EYA2: variants seen among roughly 807,000 people sequenced by gnomAD.
EYA2 encodes protein phosphatase EYA2.
A neutral mutation model predicts 69.2 loss-of-function variants in EYA2; 31 were observed. The observed-to-expected ratio is 0.45, with a 90% CI of 0.34 to 0.60. EYA2 has a LOEUF of 0.60. Ranked by LOEUF, EYA2 falls within the 20% of genes least tolerant of loss-of-function variation. The pLI, the probability that EYA2 is intolerant of heterozygous loss-of-function variation, is 0.02. For missense variants in EYA2, 622 were observed against 701.2 expected (o/e 0.89, Z 1.28); for synonymous variants, 257 against 279.4 (o/e 0.92, Z 0.80).
intron 1 of EYA2, among the ~76,000 whole-genome samples, chr20:46,973,723 T>C (rs1980280832): frequency 6.6e-6 from 1 of 152,078 alleles, no homozygotes; most frequent in Non-Finnish European, 1.5e-5. Context: ...CTGTCTGCTT[T>C]TGTATATGTT....
chr20:46,997,038 T>C (rs1982069627), intron 2 of EYA2, among the ~76,000 whole-genome samples: 1 of 152,140 alleles, frequency 6.6e-6, no homozygotes, highest in Non-Finnish European at 1.5e-5. Flanking sequence ...ATGGGATTAA[T>C]AGCACCCTTT....
At chr20:47,042,170 C>T (rs1457980318) in intron 5 of EYA2, among the ~76,000 whole-genome samples, 1 of 152,034 alleles carries the variant, frequency 6.6e-6, no homozygotes, top group African/African-American at 2.4e-5. Flanking sequence ...CTTACAACTA[C>T]CATATAAAGT....
intron 9 of EYA2, among the ~76,000 whole-genome samples, chr20:47,138,974 A>T (rs1568802707): frequency 6.6e-6 from 1 of 151,880 alleles, no homozygotes; most frequent in Non-Finnish European, 1.5e-5. Flanking sequence ...ACATAATGCA[A>T]TCAGAAAACT....
rs542740032 is a variant in EYA2, at chr20:46,949,307, G to T, written c.-10-40694G>T. Among the ~76,000 whole-genome samples, 3 of 152,340 alleles carry T rather than the reference G, an allele frequency of 2.0e-5. No individual in the cohort carries two copies. In the South Asian group the frequency reaches 6.2e-4, roughly 32 times the overall value. ...GGTTCCTTTTATGGGAAAATCTGAA[G>T]TTAACAGTGAGATTGGGGAGTGGGG... On this transcript the variant is annotated intron_variant, in intron 1 of 15. Transcript: ENST00000327619.
intron 1 of EYA2, among the ~76,000 whole-genome samples, chr20:46,922,764 TAAG>T (rs1219778699): frequency 6.6e-6 from 1 of 152,082 alleles, no homozygotes; most frequent in Admixed American, 6.5e-5. Flanking sequence ...GGGATGTTGA[TAAG>T]GAGTAGCATT....
chr20:47,072,272 GATTCTTTCCTCA>G lies in EYA2; in HGVS notation c.483+21_483+32del. 1 of 1,600,444 alleles carries G rather than the reference GATTCTTTCCTCA, an allele frequency of 6.2e-7. No homozygotes were observed. The highest frequency in any genetic ancestry group is 8.5e-7 in the Non-Finnish European group (1 of 1,171,852). On this transcript the variant is annotated intron_variant, in intron 6 of 15. Coordinates refer to ENST00000327619, the MANE Select transcript of EYA2 (RefSeq NM_005244.5). ...CACCAGGTAGACATGGCTCCCTCCC[GATTCTTTCCTCA>G]GTTCTTTCTGGAAATATTCCCCTTA...
intron 5 of EYA2, among the ~76,000 whole-genome samples, chr20:47,016,690 A>T (rs1379871961): frequency 6.6e-6 from 1 of 152,236 alleles, no homozygotes; most frequent in African/African-American, 2.4e-5. Context: ...GCAGCCACAT[A>T]GACATCTTAG....
At chr20:47,066,049 T>G (rs1023166649) in intron 5 of EYA2, among the ~76,000 whole-genome samples, 4 of 152,156 alleles carry the variant, frequency 2.6e-5, no homozygotes, top group Non-Finnish European at 4.4e-5. Flanking sequence ...ACTTAAAAAT[T>G]GTTTTGCTGG....
At chr20:46,988,650 G>T (rs986954684) in intron 1 of EYA2, among the ~76,000 whole-genome samples, 1 of 152,216 alleles carries the variant, frequency 6.6e-6, no homozygotes, top group African/African-American at 2.4e-5. Flanking sequence ...GCCATGTACA[G>T]TGGTGTGTGC....
intron 4 of EYA2, among the ~76,000 whole-genome samples, chr20:47,008,615 T>C (rs1446001456): frequency 6.6e-6 from 1 of 152,240 alleles, no homozygotes; most frequent in Non-Finnish European, 1.5e-5. Flanking sequence ...TGGCATCAGA[T>C]GGAAATCAAT....
intron 12 of EYA2, among the ~76,000 whole-genome samples, chr20:47,173,929 G>A (rs1477321246): frequency 1.3e-5 from 2 of 152,174 alleles, no homozygotes; most frequent in Non-Finnish European, 2.9e-5. Flanking sequence ...GGAGAGACCC[G>A]CCCCCTGGCT....
chr20:47,061,140 C>T (rs543103742), intron 5 of EYA2, among the ~76,000 whole-genome samples: 1 of 152,290 alleles, frequency 6.6e-6, no homozygotes, highest in Non-Finnish European at 1.5e-5. Flanking sequence ...AGACATGAGC[C>T]ACCGCACCCA....
chr20:47,050,082 G>C (rs1240834749), intron 5 of EYA2, among the ~76,000 whole-genome samples: 1 of 152,112 alleles, frequency 6.6e-6, no homozygotes, highest in Non-Finnish European at 1.5e-5. Flanking sequence ...CTTATTATTG[G>C]TGATGTTAAC....
At chr20:47,160,010 G>A (rs188045077) in intron 10 of EYA2, among the ~76,000 whole-genome samples, 55 of 152,216 alleles carry the variant, frequency 3.6e-4, no homozygotes, top group African/African-American at 9.6e-4. Context: ...TGAACCTGAG[G>A]GTGGGCAGAC....
chr20:47,099,492 G>A (rs2032361959), intron 9 of EYA2, among the ~76,000 whole-genome samples: 1 of 152,190 alleles, frequency 6.6e-6, no homozygotes. Flanking sequence ...ACTCTAGCCT[G>A]GGCAACAGAG....
intron 5 of EYA2, among the ~76,000 whole-genome samples, chr20:47,057,366 T>C (rs1033337931): frequency 3.9e-5 from 6 of 152,146 alleles, no homozygotes; most frequent in African/African-American, 1.4e-4. Flanking sequence ...AGAAATAGAC[T>C]ATGAAGCCTG....
chr20:47,127,119 A>T (rs1449209410), intron 9 of EYA2, among the ~76,000 whole-genome samples: 1 of 148,954 alleles, frequency 6.7e-6, no homozygotes, highest in Non-Finnish European at 1.5e-5. Flanking sequence ...AAAAAAAAAA[A>T]GTTAATTAAT....
chr20:47,166,693 G>A (rs2034204335), intron 10 of EYA2, among the ~76,000 whole-genome samples: 1 of 151,966 alleles, frequency 6.6e-6, no homozygotes, highest in Admixed American at 6.6e-5. Context: ...CATGTATGCA[G>A]TAGCCACTGT....
In EYA2 at chr20:47,135,126, CAAAAAAAAAAA is replaced by C. The variant is rs11484435; in HGVS notation, c.889-7920_889-7910del. Among the ~76,000 whole-genome samples the C allele has an allele frequency of 1.9e-4, 11 of 58,494 alleles. No homozygotes were observed. The South Asian group carries it at 3.8e-3, about 20-fold the overall frequency. 38.4% of individuals were successfully genotyped at this position (58,494 alleles called of 152,430 possible). The stretch of plus-strand genomic sequence containing the variant: ...TGGGCGACAGAGCGAGACTCCATAT[CAAAAAAAAAAA>C]AAAAAAAAAAAACAGACAACAGGCC... On this transcript the variant is annotated intron_variant, in intron 9 of 15. Coordinates refer to ENST00000327619, the MANE Select transcript of EYA2 (RefSeq NM_005244.5).
Sources: gnomAD v4.1 joint callset for allele counts (sites outside exome capture counted in the v4.1 genomes callset) on GRCh38, gnomAD v4.1.1 for gene constraint, MANE v1.5 for transcripts, NCBI Gene and HGNC (gene_info 2026-07-23, HGNC 2026-07-21) for gene names.